Variants in ACTG2 observed in about 807,000 individuals in gnomAD.
The protein encoded by ACTG2 is actin, gamma-enteric smooth muscle.
A neutral mutation model predicts 37.6 loss-of-function variants in ACTG2; 16 were observed. The observed-to-expected ratio is 0.43, with a 90% CI of 0.29 to 0.65. ACTG2 has a LOEUF of 0.65. ACTG2 is among the 30% of genes least tolerant of loss of function. The pLI, the probability that ACTG2 is intolerant of heterozygous loss-of-function variation, is 0.18. For missense variants in ACTG2, 238 were observed against 490.9 expected (o/e 0.48, Z 4.87); for synonymous variants, 181 against 179.9 (o/e 1.01, Z -0.05).
intron 1 of ACTG2, among the ~76,000 whole-genome samples, chr2:73,893,977 G>A (rs1393303945): frequency 2.0e-5 from 3 of 152,172 alleles, no homozygotes; most frequent in East Asian, 1.9e-4. Flanking sequence ...GTTACTGAGC[G>A]ACCTCAGCTT....
At chr2:73,895,001 G>C (rs189197649) in intron 1 of ACTG2, among the ~76,000 whole-genome samples, 1 of 152,194 alleles carries the variant, frequency 6.6e-6, no homozygotes, top group East Asian at 1.9e-4. Flanking sequence ...AGCATGCGGT[G>C]GTCCTGAGCT....
intron 3 of ACTG2, 23 bp from the exon 4 acceptor site, chr2:73,908,650 C>T (rs776941094): frequency 2.5e-6 from 4 of 1,571,768 alleles, no homozygotes; most frequent in African/African-American, 2.7e-5. Flanking sequence ...CTGCCAGGCT[C>T]ATATGGCTTT....
intron 8 of ACTG2, 98 bp downstream of exon 8, chr2:73,916,863 T>C: frequency 7.1e-7 from 1 of 1,412,450 alleles, no homozygotes; most frequent in Non-Finnish European, 9.5e-7. Flanking sequence ...GATAACTTGC[T>C]GGTCTCCTGG....
intron 1 of ACTG2, among the ~76,000 whole-genome samples, chr2:73,895,834 T>C (rs1042067181): frequency 6.6e-6 from 1 of 152,180 alleles, no homozygotes. Context: ...GAAGCCCGGA[T>C]AGTAAATATT....
In ACTG2 at chr2:73,898,551, T is replaced by C. The variant is rs191347415; in HGVS notation, c.-36-2725T>C. ...CTCATGACCATTTCACAAAGATAGA[T>C]TCGTAGAATAAGTATTTTCAAATTC... is the stretch of plus-strand genomic sequence containing the variant. On this transcript the variant is annotated intron_variant, in intron 1 of 8. Coordinates refer to ENST00000345517, the MANE Select transcript of ACTG2 (RefSeq NM_001615.4). Among the ~76,000 whole-genome samples, 432 of 151,524 alleles carry C rather than the reference T, an allele frequency of 2.9e-3. 3 individuals carry two copies. The highest frequency in any genetic ancestry group is 0.01 in the African/African-American group (420 of 41,420).
Position 73,902,740 on chromosome 2 carries a change from G to A in ACTG2, c.255+252G>A, listed in dbSNP as rs1416648149. 9 of 1,550,708 alleles carry A rather than the reference G, an allele frequency of 5.8e-6. No homozygotes were observed. The East Asian group carries it at 2.0e-4, about 34-fold the overall frequency. ...ATTCACCGAATTAATTCTCTACACTGCTGCAAAACTGATCTTTCTAAACAC... is the reference window on the plus strand; with the variant it reads ...ATTCACCGAATTAATTCTCTACACTACTGCAAAACTGATCTTTCTAAACAC... On this transcript the variant is annotated intron_variant, in intron 3 of 8. Transcript: ENST00000345517.
chr2:73,907,671 A>C (rs831552), intron 3 of ACTG2, among the ~76,000 whole-genome samples: 92,622 of 151,826 alleles, frequency 0.61, 29,072 homozygotes, highest in Admixed American at 0.72. Context: ...TTGTAGAGAC[A>C]GGCCCACAGT....
chr2:73,895,218 G>A (rs13024800), intron 1 of ACTG2, among the ~76,000 whole-genome samples: 53,201 of 151,696 alleles, frequency 0.35, 10,548 homozygotes, highest in Non-Finnish European at 0.45. Flanking sequence ...GGAGATGCAC[G>A]GCAGGCTCTG....
In ACTG2 at chr2:73,916,628, A is replaced by G; in HGVS notation, c.850A>G (p.Met284Val). 1.9e-6 allele frequency: 3 copies of G among 1,614,132 alleles called. No individual in the cohort carries two copies. Among genetic ancestry groups the G allele is most frequent in the Non-Finnish European group, 2.5e-6 (3 of 1,180,006 alleles). ...TCATGAGACAACCTACAATTCCATC[A>G]TGAAGTGTGACATTGACATCCGTAA... is the stretch of plus-strand genomic sequence containing the variant. Reference protein sequence around the residue: ...GIHETTYNSIMKCDIDIRKDL... With the variant: ...GIHETTYNSIVKCDIDIRKDL... The change falls in exon 8 of 9, where the codon ATG becomes GTG. Residue 284 changes from methionine (M) to valine (V), a missense_variant. Coordinates refer to ENST00000345517, the MANE Select transcript of ACTG2 (RefSeq NM_001615.4).
Position 73,905,911 on chromosome 2 carries a change from G to A in ACTG2, c.256-2762G>A, listed in dbSNP as rs746943397. Among the ~76,000 whole-genome samples, 66 of 151,602 alleles carry A rather than the reference G, an allele frequency of 4.4e-4. No homozygotes were observed. The Middle Eastern group carries it at 0.014, about 31-fold the overall frequency. On this transcript the variant is annotated intron_variant, in intron 3 of 8. Coordinates refer to ENST00000345517, the MANE Select transcript of ACTG2 (RefSeq NM_001615.4). Reference sequence around the variant, plus strand: ...AATATATGATAGTATATGATAAAATGTTATATAAGCATTTTCAAAAGTTTA... The same window carrying A: ...AATATATGATAGTATATGATAAAATATTATATAAGCATTTTCAAAAGTTTA...
At chr2:73,908,428 G>A (rs1680058657) in intron 3 of ACTG2, 1 of 589,478 alleles carries the variant, frequency 1.7e-6, no homozygotes, top group Non-Finnish European at 3.2e-6. Context: ...AGGAGGGAAG[G>A]TCAAATGGAA....
intron 3 of ACTG2, chr2:73,902,710 C>T (rs1277261360): frequency 6.4e-7 from 1 of 1,551,212 alleles, no homozygotes; most frequent in Non-Finnish European, 8.7e-7. Context: ...TGGTCTCTTG[C>T]CCTCATTCAC....
At chr2:73,915,498 C>T (rs367556260) in intron 7 of ACTG2, among the ~76,000 whole-genome samples, 3 of 124,058 alleles carry the variant, frequency 2.4e-5, no homozygotes, top group Admixed American at 1.9e-4. Context: ...CCAGCCTGGG[C>T]AACAGGGTGA....
chr2:73,902,122 ACAT>A (rs1284116473), intron 2 of ACTG2, among the ~76,000 whole-genome samples: 1 of 151,762 alleles, frequency 6.6e-6, no homozygotes, highest in African/African-American at 2.4e-5. Flanking sequence ...ATCTCAGAAA[ACAT>A]CGTTGTCTGA....
chr2:73,909,533 T>C (rs1322060857), intron 5 of ACTG2, among the ~76,000 whole-genome samples: 1 of 152,224 alleles, frequency 6.6e-6, no homozygotes, highest in Non-Finnish European at 1.5e-5. Flanking sequence ...ACTTTGTCAC[T>C]GTGGGAACAT....
chr2:73,901,732 A>C (rs1679889042), intron 2 of ACTG2: 1 of 406,308 alleles, frequency 2.5e-6, no homozygotes, highest in Non-Finnish European at 4.2e-6. Context: ...ACACAATGAC[A>C]CTACTATGTC....
intron 5 of ACTG2, among the ~76,000 whole-genome samples, chr2:73,909,453 G>A (rs528507176): frequency 2.0e-5 from 3 of 152,312 alleles, no homozygotes; most frequent in Non-Finnish European, 4.4e-5. Flanking sequence ...CTGTGGTGGT[G>A]GAAATGTAAG....
At chr2:73,900,037 T>C (rs1430035777) in intron 1 of ACTG2, among the ~76,000 whole-genome samples, 1 of 152,200 alleles carries the variant, frequency 6.6e-6, no homozygotes, top group Non-Finnish European at 1.5e-5. Context: ...CAGTATGGTC[T>C]TCTCTGTCCA....
chr2:73,902,382 A>G lies in ACTG2; in HGVS notation c.149A>G (p.Gln50Arg). 6.2e-7 allele frequency: 1 copy of G among 1,614,012 alleles called. No individual in the cohort carries two copies. The highest frequency in any genetic ancestry group is 8.5e-7 in the Non-Finnish European group (1 of 1,179,986). ...RHQGVMVGMG[Q>R]KDSYVGDEAQ... ...CAGGGTGTGATGGTGGGAATGGGCCAGAAAGACAGCTATGTGGGGGATGAG... is the reference window on the plus strand; with the variant it reads ...CAGGGTGTGATGGTGGGAATGGGCCGGAAAGACAGCTATGTGGGGGATGAG... Residue 50 changes from glutamine (Q) to arginine (R), a missense_variant, in exon 3 of 9, where the codon CAG becomes CGG. Coordinates refer to ENST00000345517, the MANE Select transcript of ACTG2 (RefSeq NM_001615.4).
Sources: allele counts gnomAD v4.1 joint callset (sites outside exome capture counted in the v4.1 genomes callset), GRCh38; gene constraint gnomAD v4.1.1; transcripts MANE v1.5; gene names NCBI Gene and HGNC (gene_info 2026-07-23, HGNC 2026-07-21).